The following PRR11 variants were observed in gnomAD, a reference collection of about 807,000 sequenced individuals.
PRR11 encodes the protein proline rich 11, also known as proline-rich protein 11.
In PRR11, 30 loss-of-function variants were observed where a neutral mutation model predicts 45.6. The observed-to-expected ratio is 0.66, with a 90% CI of 0.49 to 0.89. PRR11 has a LOEUF of 0.89. Ranked by LOEUF, PRR11 falls within the 40% of genes least tolerant of loss-of-function variation. PRR11 has a pLI of 0.00. For missense variants in PRR11, 373 were observed against 424.8 expected (o/e 0.88, Z 1.07); for synonymous variants, 128 against 153.5 (o/e 0.83, Z 1.23).
At chr17:59,195,246 C>T in intron 6 of PRR11, 85 bp from the exon 7 acceptor site, 2 of 1,028,178 alleles carry the variant, frequency 1.9e-6, no homozygotes, top group Admixed American at 1.8e-5. Flanking sequence ...AAACTCAGCA[C>T]TCAGATATTT....
At chr17:59,164,500 G>A (rs2046669534) in intron 1 of PRR11, among the ~76,000 whole-genome samples, 1 of 151,982 alleles carries the variant, frequency 6.6e-6, no homozygotes, top group African/African-American at 2.4e-5. Context: ...GACCAGCCTG[G>A]GCAACAGAAA....
chr17:59,160,226 G>A (rs1242383939), intron 1 of PRR11, among the ~76,000 whole-genome samples: 1 of 151,966 alleles, frequency 6.6e-6, no homozygotes, highest in East Asian at 1.9e-4. Context: ...ATTTCACAGG[G>A]GAGGAAACTG....
chr17:59,193,302 C>T (rs1029474909), intron 4 of PRR11, among the ~76,000 whole-genome samples, 190 bp from the exon 5 acceptor site: 2 of 152,076 alleles, frequency 1.3e-5, no homozygotes, highest in African/African-American at 4.8e-5. Context: ...TAGTGCCTGG[C>T]ATATAGCACA....
At chr17:59,187,288 CA>C (rs1344808459) in intron 4 of PRR11, among the ~76,000 whole-genome samples, 5 of 152,070 alleles carry the variant, frequency 3.3e-5, no homozygotes, top group Non-Finnish European at 2.9e-5. Flanking sequence ...AAGAGTGAAT[CA>C]GGGGCTGGGC....
chr17:59,197,468 G>A, intron 7 of PRR11, 76 bp from the exon 8 acceptor site: 1 of 1,318,298 alleles, frequency 7.6e-7, no homozygotes, highest in South Asian at 1.2e-5. Flanking sequence ...AGCAAGGATG[G>A]TCTTGATCTC....
intron 1 of PRR11, among the ~76,000 whole-genome samples, chr17:59,158,948 G>A (rs1305982595): frequency 3.9e-5 from 6 of 152,078 alleles, no homozygotes; most frequent in African/African-American, 1.2e-4. Flanking sequence ...AGCCTCCCGC[G>A]TAGCTGGGAT....
chr17:59,168,359 A>G (rs1051489879), intron 1 of PRR11, among the ~76,000 whole-genome samples: 1 of 151,870 alleles, frequency 6.6e-6, no homozygotes, highest in African/African-American at 2.4e-5. Flanking sequence ...TAATAGAGAC[A>G]GGGTTTTGCC....
chr17:59,168,672 G>A (rs1056148879), intron 1 of PRR11, among the ~76,000 whole-genome samples: 17 of 152,070 alleles, frequency 1.1e-4, no homozygotes, highest in African/African-American at 3.6e-4. Context: ...CCTGGGTGAC[G>A]GAGCTAGACT....
chr17:59,169,976 G>C (rs367792368), intron 2 of PRR11, 96 bp downstream of exon 2: 2 of 1,420,012 alleles, frequency 1.4e-6, no homozygotes, highest in Non-Finnish European at 1.9e-6. Flanking sequence ...AGGCAGGCCG[G>C]GTGCAGTCAT....
chr17:59,160,994 C>T (rs1188038108), intron 1 of PRR11: 2 of 151,682 alleles, frequency 1.3e-5, no homozygotes, highest in Admixed American at 6.6e-5. Flanking sequence ...ACCTCCACCT[C>T]AGCCTCCCAA....
At chr17:59,165,273 G>A (rs1388676226) in intron 1 of PRR11, among the ~76,000 whole-genome samples, 1 of 151,854 alleles carries the variant, frequency 6.6e-6, no homozygotes, top group Non-Finnish European at 1.5e-5. Context: ...GCCCGCCTTG[G>A]CCTCCCAAAG....
At chr17:59,180,026 G>C in intron 2 of PRR11, 1 of 845,460 alleles carries the variant, frequency 1.2e-6, no homozygotes, top group Non-Finnish European at 1.8e-6. Context: ...CTCCTTTGCT[G>C]AACCCCATGA....
rs148109640 is a variant in PRR11 at position 59,186,255 on chromosome 17, G to T, written c.402+693G>T. Among the ~76,000 whole-genome samples the T allele has an allele frequency of 3.6e-3, 539 of 150,310 alleles. 9 individuals carry two copies. The highest frequency in any genetic ancestry group is 0.012 in the African/African-American group (504 of 40,948). On this transcript the variant is annotated intron_variant, in intron 4 of 9. Transcript: ENST00000262293. Reference sequence around the variant, plus strand: ...GCTGGGACTACAGGCTTGCACTATTGCACCCACCTAGGATGGGGAGATTTT... The same window carrying T: ...GCTGGGACTACAGGCTTGCACTATTTCACCCACCTAGGATGGGGAGATTTT...
chr17:59,179,503 C>T lies in PRR11; in HGVS notation c.129-5551C>T, dbSNP rs2046768827. On this transcript the variant is annotated intron_variant, in intron 2 of 9. Transcript: ENST00000262293. ...ATCTTCTATCATCTCCTAAGTGTCCCTCATGAGTGATCACTTCTGAGTCCT... is the reference window on the plus strand; with the variant it reads ...ATCTTCTATCATCTCCTAAGTGTCCTTCATGAGTGATCACTTCTGAGTCCT... The T allele has an allele frequency of 3.2e-6, 4 of 1,253,426 alleles. No individual in the cohort carries two copies. In the Admixed American group the frequency reaches 6.7e-5, roughly 21 times the overall value. 77.6% of individuals were successfully genotyped at this position (1,253,426 alleles called of 1,614,324 possible). A position where few individuals can be genotyped will look rare whatever the true frequency, so the allele number is the denominator to read the frequency against.
At chr17:59,168,514 G>A (rs1413512778) in intron 1 of PRR11, among the ~76,000 whole-genome samples, 1 of 151,924 alleles carries the variant, frequency 6.6e-6, no homozygotes, top group African/African-American at 2.4e-5. Flanking sequence ...TAAGGCCCAT[G>A]CCTGTAATCC....
rs751186674 is a variant in PRR11, at chr17:59,181,694, T to G, written c.129-3360T>G. 1.0e-5 allele frequency: 16 copies of G among 1,550,404 alleles called. No individual in the cohort carries two copies. In the Admixed American group the frequency reaches 1.5e-4, roughly 15 times the overall value. On this transcript the variant is annotated intron_variant, in intron 2 of 9. Coordinates refer to ENST00000262293, the MANE Select transcript of PRR11 (RefSeq NM_018304.4). ...TCCTCAGATTGGTCCGACCACTCCC[T>G]CTTCCTTTTCCAGCAAAGGGACCTA...
Position 59,203,394 on chromosome 17 carries a change from T to C in PRR11, c.*1763T>C, listed in dbSNP as rs1427504194. The C allele has an allele frequency of 1.3e-5, 2 of 152,136 alleles. No homozygotes were observed. Among genetic ancestry groups the C allele is most frequent in the East Asian group, 3.9e-4 (2 of 5,152 alleles). The allele number at this position is 152,136 out of a possible 1,614,324, so 9.4% of individuals were successfully genotyped here. A position where few individuals can be genotyped will look rare whatever the true frequency, so the allele number is the denominator to read the frequency against. ...TGCGCACTGCCACGCCTGACTAATT[T>C]TTGTATTTCTAGTAAAGATGGGGTT... On this transcript the variant is annotated 3_prime_UTR_variant, in exon 10 of 10. Transcript: ENST00000262293.
chr17:59,167,546 A>G (rs9915267), intron 1 of PRR11, among the ~76,000 whole-genome samples: 65,002 of 152,058 alleles, frequency 0.43, 16,035 homozygotes, highest in African/African-American at 0.69. Context: ...AGGAATAAAA[A>G]AATGGCTATT....
At chr17:59,190,870 C>T (rs906994380) in intron 4 of PRR11, among the ~76,000 whole-genome samples, 2 of 152,192 alleles carry the variant, frequency 1.3e-5, no homozygotes, top group African/African-American at 2.4e-5. Flanking sequence ...GACCAGATCA[C>T]GTGGACTGAG....
Sources: allele counts gnomAD v4.1 joint callset (sites outside exome capture counted in the v4.1 genomes callset), GRCh38; gene constraint gnomAD v4.1.1; transcripts MANE v1.5; gene names NCBI Gene and HGNC (gene_info 2026-07-23, HGNC 2026-07-21).